Variants in TSPAN5 observed in about 807,000 individuals in gnomAD.
The protein encoded by TSPAN5 is tetraspanin 5.
Under a neutral mutation model 37.1 loss-of-function variants are expected in TSPAN5, and 10 were observed. The observed-to-expected ratio is 0.27, with a 90% CI of 0.17 to 0.46. TSPAN5 has a LOEUF of 0.46. Ranked by LOEUF, TSPAN5 falls within the 20% of genes least tolerant of loss-of-function variation. The pLI is 1.00. For synonymous variants in TSPAN5, 110 were observed against 118.9 expected (o/e 0.93, Z 0.48); for missense variants, 195 against 326.6 (o/e 0.60, Z 3.11).
At chr4:98,563,627 A>C (rs1754925670) in intron 1 of TSPAN5, among the ~76,000 whole-genome samples, 1 of 152,224 alleles carries the variant, frequency 6.6e-6, no homozygotes, top group Admixed American at 6.5e-5. Context: ...AAGAATTATG[A>C]GAATGGAATA....
intron 3 of TSPAN5, chr4:98,485,377 G>C (rs72688437): frequency 0.053 from 7,996 of 152,204 alleles, 285 homozygotes; most frequent in Admixed American, 0.12. Context: ...ATGAGAGAGG[G>C]AGGGAGAGAG....
chr4:98,570,354 G>A (rs1210452151), intron 1 of TSPAN5, among the ~76,000 whole-genome samples: 1 of 152,182 alleles, frequency 6.6e-6, no homozygotes, highest in Admixed American at 6.5e-5. Context: ...CAAACATCTA[G>A]TACATGGGCC....
intron 1 of TSPAN5, among the ~76,000 whole-genome samples, chr4:98,567,902 T>C (rs1046327705): frequency 2.7e-4 from 40 of 148,988 alleles, no homozygotes; most frequent in African/African-American, 9.5e-4. Context: ...CAGACTCATC[T>C]GGTCTCCATC....
intron 2 of TSPAN5, among the ~76,000 whole-genome samples, chr4:98,489,815 C>T (rs1287283805): frequency 1.3e-5 from 2 of 152,142 alleles, no homozygotes; most frequent in Admixed American, 6.5e-5. Flanking sequence ...CCTTGGAATC[C>T]GTGAGGCCAA....
chr4:98,628,891 T>G (rs1214549948), intron 1 of TSPAN5, among the ~76,000 whole-genome samples: 1 of 152,220 alleles, frequency 6.6e-6, no homozygotes, highest in Non-Finnish European at 1.5e-5. Context: ...TAAATTACTT[T>G]AAGATTTCTC....
intron 4 of TSPAN5, among the ~76,000 whole-genome samples, chr4:98,479,409 G>T (rs1752785663): frequency 6.6e-6 from 1 of 152,174 alleles, no homozygotes; most frequent in Non-Finnish European, 1.5e-5. Flanking sequence ...AGGTTGGACT[G>T]CCAGAATGAG....
chr4:98,579,982 G>A (rs1290362850), intron 1 of TSPAN5, among the ~76,000 whole-genome samples: 1 of 152,058 alleles, frequency 6.6e-6, no homozygotes, highest in Non-Finnish European at 1.5e-5. Context: ...TCATATATAT[G>A]ACTATAATAG....
chr4:98,647,464 C>A (rs1404647843), intron 1 of TSPAN5, among the ~76,000 whole-genome samples: 1 of 152,104 alleles, frequency 6.6e-6, no homozygotes, highest in East Asian at 1.9e-4. Flanking sequence ...AAATAGCTGG[C>A]CTGAATATTT....
chr4:98,477,051 C>T (rs1165005646), intron 5 of TSPAN5, among the ~76,000 whole-genome samples: 2 of 152,176 alleles, frequency 1.3e-5, no homozygotes, highest in Non-Finnish European at 2.9e-5. Flanking sequence ...ATTTTATTAG[C>T]TTAGAGCGCA....
At chr4:98,610,633 T>C (rs963330338) in intron 1 of TSPAN5, among the ~76,000 whole-genome samples, 1 of 152,190 alleles carries the variant, frequency 6.6e-6, no homozygotes, top group Non-Finnish European at 1.5e-5. Flanking sequence ...GTCGAGTGAA[T>C]GAACTGGTTC....
chr4:98,476,577 G>A, intron 5 of TSPAN5, 117 bp from the exon 6 acceptor site: 6 of 892,556 alleles, frequency 6.7e-6, no homozygotes, highest in Non-Finnish European at 1.1e-5. Context: ...TGGGCACAAA[G>A]ACTGCAGCAC....
At chr4:98,498,194 T>A (rs1310988524) in intron 2 of TSPAN5, among the ~76,000 whole-genome samples, 1 of 152,036 alleles carries the variant, frequency 6.6e-6, no homozygotes, top group Non-Finnish European at 1.5e-5. Context: ...GCAGGCACTC[T>A]TACCCATGTG....
At chr4:98,567,232 T>C (rs1000376240) in intron 1 of TSPAN5, among the ~76,000 whole-genome samples, 2 of 152,196 alleles carry the variant, frequency 1.3e-5, no homozygotes, top group Non-Finnish European at 1.5e-5. Flanking sequence ...TTTATTGTCA[T>C]CTAGGCCCGA....
chr4:98,506,967 C>T (rs559487131), intron 2 of TSPAN5, among the ~76,000 whole-genome samples: 1 of 152,008 alleles, frequency 6.6e-6, no homozygotes, highest in Admixed American at 6.5e-5. Context: ...TTAGAAGGTG[C>T]GATGGGAAGG....
At chr4:98,489,110 G>A (rs1753032848) in intron 2 of TSPAN5, among the ~76,000 whole-genome samples, 1 of 152,156 alleles carries the variant, frequency 6.6e-6, no homozygotes, top group African/African-American at 2.4e-5. Context: ...AGAAGACACA[G>A]CTAACTTGGC....
chr4:98,657,687 G>C (rs983101188), intron 1 of TSPAN5: 2 of 219,178 alleles, frequency 9.1e-6, no homozygotes, highest in Admixed American at 1.2e-4. Context: ...GACCAGCCGC[G>C]GCAACACGGA....
At chr4:98,486,520 G>A in intron 3 of TSPAN5, 2 of 538,692 alleles carry the variant, frequency 3.7e-6, no homozygotes, top group Non-Finnish European at 3.3e-6. Context: ...AACCTCCATG[G>A]ATGGCATGGT....
chr4:98,623,017 A>G (rs1382523846), intron 1 of TSPAN5, among the ~76,000 whole-genome samples: 2 of 152,244 alleles, frequency 1.3e-5, no homozygotes, highest in Non-Finnish European at 2.9e-5. Flanking sequence ...ATTTTAACAA[A>G]AAAGGATAAA....
intron 3 of TSPAN5, among the ~76,000 whole-genome samples, chr4:98,485,760 T>C (rs1385348942): frequency 7.0e-6 from 1 of 143,714 alleles, no homozygotes; most frequent in Non-Finnish European, 1.5e-5. Flanking sequence ...TTCTTGGATA[T>C]GCTTTTTTTT....
Sources: allele counts gnomAD v4.1 joint callset (sites outside exome capture counted in the v4.1 genomes callset), GRCh38; gene constraint gnomAD v4.1.1; transcripts MANE v1.5; gene names NCBI Gene and HGNC (gene_info 2026-07-23, HGNC 2026-07-21).